MAML2: variants seen among roughly 807,000 people sequenced by gnomAD.
MAML2 encodes the protein mastermind-like protein 2.
In MAML2, 22 loss-of-function variants were observed where a neutral mutation model predicts 96.1. The ratio of observed to expected loss-of-function variants is 0.23; its 90% CI spans 0.16 to 0.33. MAML2 has a LOEUF of 0.33. MAML2 is among the 10% of genes least tolerant of loss of function. MAML2 has a pLI of 1.00. For synonymous variants in MAML2, 561 were observed against 521.3 expected (o/e 1.08, Z -1.04); for missense variants, 1,367 against 1,392.4 (o/e 0.98, Z 0.29).
intron 2 of MAML2, among the ~76,000 whole-genome samples, chr11:96,065,752 G>A (rs1044298587): frequency 5.3e-5 from 8 of 152,086 alleles, no homozygotes; most frequent in African/African-American, 1.7e-4. Context: ...CCTTGATGAC[G>A]GTCACACAGC....
chr11:96,206,842 A>G lies in MAML2; in HGVS notation c.514-113325T>C, dbSNP rs540801554. Among the ~76,000 whole-genome samples the G allele has an allele frequency of 5.3e-5, 8 of 152,320 alleles. No individual in the cohort carries two copies. The South Asian group carries it at 1.7e-3, about 32-fold the overall frequency. On this transcript the variant is annotated intron_variant, in intron 1 of 4. Transcript: ENST00000524717. ...CAAATACTTTGGAAATTTCTGGAAAAATAGAGGTATGAAAAGGAGCACCGG... is the reference window on the plus strand; with the variant it reads ...CAAATACTTTGGAAATTTCTGGAAAGATAGAGGTATGAAAAGGAGCACCGG...
At chr11:96,223,766 AG>A (rs1410179429) in intron 1 of MAML2, among the ~76,000 whole-genome samples, 1 of 152,108 alleles carries the variant, frequency 6.6e-6, no homozygotes, top group Non-Finnish European at 1.5e-5. Flanking sequence ...GGCTTATAGT[AG>A]TACTGTTCTT....
At chr11:96,006,544 T>G (rs1858180501) in intron 2 of MAML2, among the ~76,000 whole-genome samples, 1 of 149,892 alleles carries the variant, frequency 6.7e-6, no homozygotes, top group East Asian at 2.0e-4. Flanking sequence ...GAAATAAGAT[T>G]GGAGTATCTT....
chr11:96,216,317 T>C (rs1862049424), intron 1 of MAML2, among the ~76,000 whole-genome samples: 1 of 152,176 alleles, frequency 6.6e-6, no homozygotes, highest in South Asian at 2.1e-4. Context: ...TGCCCTAAAG[T>C]CTATGGCCCT....
intron 1 of MAML2, among the ~76,000 whole-genome samples, chr11:96,176,600 G>T (rs1861391811): frequency 6.6e-6 from 1 of 151,934 alleles, no homozygotes; most frequent in Non-Finnish European, 1.5e-5. Context: ...TCCTGTGAGG[G>T]GCCTATGAGA....
chr11:96,130,536 C>T (rs11828970), intron 1 of MAML2, among the ~76,000 whole-genome samples: 2,597 of 152,120 alleles, frequency 0.017, 59 homozygotes, highest in African/African-American at 0.057. Flanking sequence ...TCTAGGGACA[C>T]GAAAGATGAA....
At chr11:96,169,370 C>A (rs1861244249) in intron 1 of MAML2, among the ~76,000 whole-genome samples, 1 of 152,236 alleles carries the variant, frequency 6.6e-6, no homozygotes, top group Non-Finnish European at 1.5e-5. Flanking sequence ...GCTCTGCCTG[C>A]AGCAAACCTG....
intron 1 of MAML2, among the ~76,000 whole-genome samples, chr11:96,127,347 G>A (rs192473661): frequency 6.6e-6 from 1 of 152,244 alleles, no homozygotes; most frequent in East Asian, 1.9e-4. Flanking sequence ...GGATTGATAG[G>A]CTGAGGCTGT....
chr11:96,073,506 G>C (rs1347107180), intron 2 of MAML2, among the ~76,000 whole-genome samples: 1 of 151,944 alleles, frequency 6.6e-6, no homozygotes, highest in Non-Finnish European at 1.5e-5. Flanking sequence ...ATATTTAGTA[G>C]AGACGGGGTT....
At chr11:96,109,747 G>C (rs941692684) in intron 1 of MAML2, among the ~76,000 whole-genome samples, 1 of 152,188 alleles carries the variant, frequency 6.6e-6, no homozygotes, top group Non-Finnish European at 1.5e-5. Context: ...TCAAGTTTGG[G>C]CATGTTGAAT....
chr11:96,094,140 C>A (rs1191283300), intron 1 of MAML2, among the ~76,000 whole-genome samples: 1 of 152,190 alleles, frequency 6.6e-6, no homozygotes, highest in Non-Finnish European at 1.5e-5. Context: ...TATGTAGCAA[C>A]CTTATGTGGA....
chr11:96,264,781 G>C (rs149018941), intron 1 of MAML2, among the ~76,000 whole-genome samples: 17 of 152,300 alleles, frequency 1.1e-4, no homozygotes, highest in African/African-American at 4.1e-4. Flanking sequence ...TGAAAACGTT[G>C]AAAGGAGTAC....
chr11:95,988,261 C>CT (rs937100080), intron 3 of MAML2, among the ~76,000 whole-genome samples: 147 of 147,938 alleles, frequency 9.9e-4, no homozygotes, highest in Non-Finnish European at 1.9e-3. Flanking sequence ...TAATTATTGA[C>CT]TTTTTTTTTT....
chr11:95,981,478 G>C (rs1776083304), intron 4 of MAML2, among the ~76,000 whole-genome samples: 1 of 152,202 alleles, frequency 6.6e-6, no homozygotes, highest in Admixed American at 6.5e-5. Flanking sequence ...AGTGGATGGG[G>C]AGAGCATGTC....
At chr11:96,280,199 T>C (rs1863045287) in intron 1 of MAML2, among the ~76,000 whole-genome samples, 1 of 152,214 alleles carries the variant, frequency 6.6e-6, no homozygotes, top group South Asian at 2.1e-4. Context: ...ACTGTGTAGT[T>C]GGTAGGTGGA....
chr11:96,312,038 G>A (rs1863548639), intron 1 of MAML2, among the ~76,000 whole-genome samples: 2 of 151,776 alleles, frequency 1.3e-5, no homozygotes, highest in Admixed American at 1.3e-4. Flanking sequence ...TGGCCAACAT[G>A]GTGAAACCCT....
chr11:96,031,602 T>C (rs1858615197), intron 2 of MAML2, among the ~76,000 whole-genome samples: 1 of 152,222 alleles, frequency 6.6e-6, no homozygotes, highest in African/African-American at 2.4e-5. Context: ...TCCAGTTTCA[T>C]GCTTTTTTTT....
chr11:96,171,394 T>C (rs193103648), intron 1 of MAML2, among the ~76,000 whole-genome samples: 1 of 152,268 alleles, frequency 6.6e-6, no homozygotes, highest in East Asian at 1.9e-4. Flanking sequence ...CTCTTCTGTG[T>C]TCAAGATATT....
At chr11:95,984,259 G>A (rs918135598) in intron 4 of MAML2, among the ~76,000 whole-genome samples, 3 of 152,108 alleles carry the variant, frequency 2.0e-5, no homozygotes, top group Non-Finnish European at 4.4e-5. Context: ...GTTTGTATAA[G>A]TACACTTTAT....
Sources: gnomAD v4.1 joint callset for allele counts (sites outside exome capture counted in the v4.1 genomes callset) on GRCh38, gnomAD v4.1.1 for gene constraint, MANE v1.5 for transcripts, NCBI Gene and HGNC (gene_info 2026-07-23, HGNC 2026-07-21) for gene names.